Variants in ECHS1 observed in about 807,000 individuals in gnomAD.
The protein encoded by ECHS1 is enoyl-CoA hydratase, short chain 1.
ECHS1 carries 19 observed loss-of-function variants against 33.5 expected under a neutral mutation model. The ratio of observed to expected loss-of-function variants is 0.57; its 90% CI spans 0.40 to 0.83. The LOEUF is 0.83. Ranked by LOEUF, ECHS1 falls within the 40% of genes least tolerant of loss-of-function variation. ECHS1 has a pLI of 0.00. For missense variants in ECHS1, 365 were observed against 381.3 expected (o/e 0.96, Z 0.36); for synonymous variants, 158 against 146.6 (o/e 1.08, Z -0.56).
At chr10:133,370,297 T>C (rs1253599529) in intron 2 of ECHS1, among the ~76,000 whole-genome samples, 1 of 152,164 alleles carries the variant, frequency 6.6e-6, no homozygotes, top group African/African-American at 2.4e-5. Flanking sequence ...GCATAAGCCC[T>C]TGACACACAC....
intron 4 of ECHS1, among the ~76,000 whole-genome samples, chr10:133,367,296 C>T (rs1318115748): frequency 1.3e-5 from 2 of 152,130 alleles, no homozygotes; most frequent in African/African-American, 4.8e-5. Flanking sequence ...AGTTATAATA[C>T]AAATTAGATA....
intron 1 of ECHS1, 119 bp from the exon 2 acceptor site, chr10:133,370,876 C>A: frequency 1.0e-6 from 1 of 998,446 alleles, no homozygotes; most frequent in Non-Finnish European, 1.4e-6. Flanking sequence ...CCTCTGAGGG[C>A]TCCCTGCCGA....
At chr10:133,363,524 C>G (rs987559879) in intron 7 of ECHS1, among the ~76,000 whole-genome samples, 1 of 152,222 alleles carries the variant, frequency 6.6e-6, no homozygotes, top group Admixed American at 6.5e-5. Context: ...TGGCTCACGC[C>G]TATAATCCCA....
intron 3 of ECHS1, among the ~76,000 whole-genome samples, chr10:133,369,333 CG>C (rs1849073261): frequency 6.6e-6 from 1 of 151,792 alleles, no homozygotes; most frequent in South Asian, 2.1e-4. Flanking sequence ...GTGGCTGTGC[CG>C]GGAAAACTCC....
intron 1 of ECHS1, 80 bp downstream of exon 1, chr10:133,373,166 G>C (rs909448285): frequency 7.7e-6 from 9 of 1,175,830 alleles, no homozygotes; most frequent in African/African-American, 5.0e-5. Context: ...TGGGAGGGGG[G>C]TGCGGTCTGG....
intron 2 of ECHS1, 130 bp downstream of exon 2, chr10:133,370,430 A>G (rs1287696069): frequency 1.9e-6 from 2 of 1,044,502 alleles, no homozygotes; most frequent in Non-Finnish European, 2.7e-6. Flanking sequence ...TCTTCACTCG[A>G]TATTTGAGGA....
chr10:133,365,856 G>A, intron 6 of ECHS1, 120 bp downstream of exon 6: 1 of 1,264,934 alleles, frequency 7.9e-7, no homozygotes, highest in Admixed American at 1.9e-5. Flanking sequence ...GAGACACTGA[G>A]AAGCATTTCT....
Position 133,369,016 on chromosome 10 carries a change from C to T in ECHS1, c.421G>A (p.Gly141Arg), listed in dbSNP as rs763902393. ...IAAVNGYAFG[G>R]GCELAMMCDI... ...CACATCATGGCAAGCTCACAGCCCCCGCCAAACTGTAAAACATTCGGCATC... is the reference window on the plus strand; with the variant it reads ...CACATCATGGCAAGCTCACAGCCCCTGCCAAACTGTAAAACATTCGGCATC... Residue 141 changes from glycine (G) to arginine (R), a missense_variant, in exon 4 of 8, where the codon GGG (glycine) becomes AGG (arginine). By Grantham distance (125) the Gly-to-Arg change is moderately radical. Coordinates refer to ENST00000368547, the MANE Select transcript of ECHS1 (RefSeq NM_004092.4). The T allele has an allele frequency of 2.5e-6, 4 of 1,613,400 alleles. No individual in the cohort carries two copies. Among genetic ancestry groups the T allele is most frequent in the African/African-American group, 1.3e-5 (1 of 74,916 alleles).
In ECHS1 at chr10:133,362,546, CAG is replaced by C; in HGVS notation, c.*320_*321del. On this transcript the variant is annotated 3_prime_UTR_variant, in exon 8 of 8. Transcript: ENST00000368547. ...TGAAGGCAGCAGACAGCGTTTCCCT[CAG>C]AGCAGCCCCATTCTTCAGCGGCAGG... 2 of 424,366 alleles carry C rather than the reference CAG, an allele frequency of 4.7e-6. No homozygotes were observed. The highest frequency in any genetic ancestry group is 6.0e-5 in the South Asian group (2 of 33,352). 26.3% of individuals were successfully genotyped at this position (424,366 alleles called of 1,614,324 possible).
chr10:133,364,618 G>A (rs1230509363), intron 7 of ECHS1, 40 bp downstream of exon 7: 1 of 1,495,092 alleles, frequency 6.7e-7, no homozygotes, highest in East Asian at 2.3e-5. Context: ...TTGTGTGACT[G>A]GAATTTGCTT....
chr10:133,363,354 C>CGT (rs1299587767), intron 7 of ECHS1, among the ~76,000 whole-genome samples: 2 of 129,546 alleles, frequency 1.5e-5, no homozygotes, highest in African/African-American at 5.8e-5. Flanking sequence ...TGTGCGCGCG[C>CGT]GCACACACAC....
At chr10:133,368,078 T>G (rs1849056147) in intron 4 of ECHS1, among the ~76,000 whole-genome samples, 2 of 152,142 alleles carry the variant, frequency 1.3e-5, no homozygotes, top group Non-Finnish European at 2.9e-5. Context: ...CTTTGTCTTG[T>G]GTCTTTATTT....
Position 133,373,160 on chromosome 10 carries a change from AG to A in ECHS1, c.88+85del, listed in dbSNP as rs150493267. On this transcript the variant is annotated intron_variant, in intron 1 of 7. Coordinates refer to ENST00000368547, the MANE Select transcript of ECHS1 (RefSeq NM_004092.4). ...GGTGGGGGATGCGGGGTCAGGTGGG[AG>A]GGGGGTGCGGTCTGGGATCTGGTCT... The A allele has an allele frequency of 0.066, 65,631 of 996,464 alleles. 4,017 individuals are homozygous for A. The highest frequency in any genetic ancestry group is 0.38 in the African/African-American group (16,545 of 43,294). 61.7% of individuals were successfully genotyped at this position (996,464 alleles called of 1,614,324 possible). A position where few individuals can be genotyped will look rare whatever the true frequency, so the allele number is the denominator to read the frequency against.
chr10:133,368,608 C>T (rs1269135698), intron 4 of ECHS1, among the ~76,000 whole-genome samples: 3 of 152,162 alleles, frequency 2.0e-5, no homozygotes, highest in African/African-American at 7.2e-5. Flanking sequence ...CACCCAGGGT[C>T]ACCATGTTCC....
rs1457551694 is a variant in ECHS1 at position 133,364,863 on chromosome 10, G to A, written c.740-138C>T. 2.4e-5 allele frequency: 16 copies of A among 660,902 alleles called. No individual in the cohort carries two copies. In the Admixed American group the frequency reaches 4.2e-4, roughly 17 times the overall value. The allele number at this position is 660,902 out of a possible 1,614,324, so 40.9% of individuals were successfully genotyped here. ...GCCCAGCCCTGCACAGGCTTCCATGGTGCCGCCCTTCTCAAAGGCACTGCC... is the reference window on the plus strand; with the variant it reads ...GCCCAGCCCTGCACAGGCTTCCATGATGCCGCCCTTCTCAAAGGCACTGCC... On this transcript the variant is annotated intron_variant, in intron 6 of 7. Coordinates refer to ENST00000368547, the MANE Select transcript of ECHS1 (RefSeq NM_004092.4).
At chr10:133,370,910 C>T (rs1274988116) in intron 1 of ECHS1, among the ~76,000 whole-genome samples, 153 bp from the exon 2 acceptor site, 1 of 152,144 alleles carries the variant, frequency 6.6e-6, no homozygotes, top group African/African-American at 2.4e-5. Context: ...CCAGGTGTAG[C>T]TCTCAGCCAC....
At chr10:133,363,256 T>C (rs1448889304) in intron 7 of ECHS1, among the ~76,000 whole-genome samples, 3 of 152,246 alleles carry the variant, frequency 2.0e-5, no homozygotes, top group Non-Finnish European at 4.4e-5. Context: ...GGGTGGCCTG[T>C]ATCAGGGGCT....
rs753653919 is a variant in ECHS1, at chr10:133,362,869, C to T, written c.872G>A (p.Ter291=). Residue 291 remains the stop codon, a stop_retained_variant, in exon 8 of 8, where the codon TGA becomes TAA. Transcript: ENST00000368547. ...EKRKANFKDQ[*] is the part of the protein sequence containing the mutation. Reference sequence around the variant, plus strand: ...GTGTGAAGCAGGGGCAGCTGGTTCTCACTGGTCTTTGAAGTTGGCCTTTCT... The same window carrying T: ...GTGTGAAGCAGGGGCAGCTGGTTCTTACTGGTCTTTGAAGTTGGCCTTTCT... 1 of 1,614,182 alleles carries T rather than the reference C, an allele frequency of 6.2e-7. No homozygotes were observed. Among genetic ancestry groups the T allele is most frequent in the Non-Finnish European group, 8.5e-7 (1 of 1,180,030 alleles).
chr10:133,370,120 C>T lies in ECHS1; in HGVS notation c.287-89G>A, dbSNP rs565915993. On this transcript the variant is annotated intron_variant, in intron 2 of 7. Transcript: ENST00000368547. Reference sequence around the variant, plus strand: ...CTCAGACCAACAAGGAACTTCAGAGCACACCAGACACAGGCAGTGGGGTTG... The same window carrying T: ...CTCAGACCAACAAGGAACTTCAGAGTACACCAGACACAGGCAGTGGGGTTG... 3.3e-6 allele frequency: 5 copies of T among 1,535,962 alleles called. No homozygotes were observed. The African/African-American group carries it at 6.8e-5, about 21-fold the overall frequency.
Sources: allele counts gnomAD v4.1 joint callset (sites outside exome capture counted in the v4.1 genomes callset), GRCh38; gene constraint gnomAD v4.1.1; transcripts MANE v1.5; gene names NCBI Gene and HGNC (gene_info 2026-07-23, HGNC 2026-07-21).